CEP57: variants seen among roughly 807,000 people sequenced by gnomAD.
The protein encoded by CEP57 is centrosomal protein 57, also known as centrosomal protein of 57 kDa.
A neutral mutation model predicts 68.0 loss-of-function variants in CEP57; 40 were observed. The ratio of observed to expected loss-of-function variants is 0.59; its 90% CI spans 0.46 to 0.77. CEP57 has a LOEUF of 0.77. Ranked by LOEUF, CEP57 falls within the 30% of genes least tolerant of loss-of-function variation. CEP57 has a pLI of 0.00. For missense variants in CEP57, 606 were observed against 580.7 expected (o/e 1.04, Z -0.45); for synonymous variants, 219 against 198.7 (o/e 1.10, Z -0.86).
At chr11:95,802,116 G>A (rs1286327049) in intron 2 of CEP57, among the ~76,000 whole-genome samples, 1 of 152,168 alleles carries the variant, frequency 6.6e-6, no homozygotes, top group Middle Eastern at 3.4e-3. Context: ...AAGTGTGTTG[G>A]GGAGGTTAAA....
At chr11:95,797,979 C>G (rs946753354) in intron 1 of CEP57, among the ~76,000 whole-genome samples, 2 of 152,126 alleles carry the variant, frequency 1.3e-5, no homozygotes, top group Non-Finnish European at 2.9e-5. Flanking sequence ...TTTGCAAGAC[C>G]TTTGACAATA....
chr11:95,794,383 C>T (rs1267978241), intron 1 of CEP57: 3 of 452,520 alleles, frequency 6.6e-6, no homozygotes, highest in South Asian at 1.6e-5. Context: ...CAGCTTTACT[C>T]GGTCATACTA....
At chr11:95,797,365 A>T (rs147252720) in intron 1 of CEP57, among the ~76,000 whole-genome samples, 2,404 of 152,108 alleles carry the variant, frequency 0.016, 19 homozygotes, top group Non-Finnish European at 0.024. Context: ...ACAGAGTTTC[A>T]CCATGTTGGC....
In CEP57 at chr11:95,790,607, T is replaced by G; in HGVS notation, c.-92T>G. 1 of 1,486,320 alleles carries G rather than the reference T, an allele frequency of 6.7e-7. No individual in the cohort carries two copies. The highest frequency in any genetic ancestry group is 9.2e-7 in the Non-Finnish European group (1 of 1,083,108). 92.1% of individuals were successfully genotyped at this position (1,486,320 alleles called of 1,614,324 possible). The stretch of plus-strand genomic sequence containing the variant: ...TTTCCATCAGGGGTTCAGCCTAGGG[T>G]CCCCGCTGGTGGGCGGCTCCCGAGT... On this transcript the variant is annotated 5_prime_UTR_variant, in exon 1 of 11. Transcript: ENST00000325542.
rs528203509 is a variant in CEP57 at position 95,822,239 on chromosome 11, A to G, written c.808-260A>G. ...TACTGCATTATCTTGTGCTCTTACA[A>G]TGTTTTGTGTATATGTATACTGATT... On this transcript the variant is annotated intron_variant, in intron 7 of 10. Transcript: ENST00000325542. The G allele has an allele frequency of 3.5e-5, 20 of 577,192 alleles. 1 individual carries two copies. The highest frequency in any genetic ancestry group is 1.0e-4 in the South Asian group (5 of 49,024). 35.8% of individuals were successfully genotyped at this position (577,192 alleles called of 1,614,324 possible). A position where few individuals can be genotyped will look rare whatever the true frequency, so the allele number is the denominator to read the frequency against.
At chr11:95,801,296 CCT>C (rs1350590848) in intron 2 of CEP57, among the ~76,000 whole-genome samples, 6 of 151,862 alleles carry the variant, frequency 4.0e-5, no homozygotes, top group African/African-American at 9.7e-5. Context: ...AACCTAGAAG[CCT>C]CTTTATTATA....
At chr11:95,811,650 A>C (rs112590267) in intron 2 of CEP57, among the ~76,000 whole-genome samples, 1 of 152,104 alleles carries the variant, frequency 6.6e-6, no homozygotes, top group Non-Finnish European at 1.5e-5. Context: ...TCTGTACATC[A>C]AAACTAGAAT....
Position 95,821,945 on chromosome 11 carries a change from A to G in CEP57, c.774A>G (p.Arg258=). The change falls in exon 7 of 11, where the codon AGA becomes AGG. Residue 258 remains arginine (R), a synonymous_variant. Coordinates refer to ENST00000325542, the MANE Select transcript of CEP57 (RefSeq NM_014679.5). ...KATPCVPNAR[R]IKKKKSKPPE... is the part of the protein sequence containing the mutation. ...CTCCGTGTGTTCCCAATGCAAGAAG[A>G]ATTAAAAAAAAGAAGTCAAAACCAC... 6.2e-7 allele frequency: 1 copy of G among 1,612,844 alleles called. No individual in the cohort carries two copies. Among genetic ancestry groups the G allele is most frequent in the Non-Finnish European group, 8.5e-7 (1 of 1,179,520 alleles).
chr11:95,809,248 CA>C (rs1409627067), intron 2 of CEP57, among the ~76,000 whole-genome samples: 1 of 151,970 alleles, frequency 6.6e-6, no homozygotes, highest in African/African-American at 2.4e-5. Context: ...CAAGAGAAAG[CA>C]GGAAAGATCT....
At chr11:95,821,375 G>A (rs1862510573) in intron 6 of CEP57, among the ~76,000 whole-genome samples, 1 of 152,168 alleles carries the variant, frequency 6.6e-6, no homozygotes. Flanking sequence ...ACATTTGCCT[G>A]ATAGCTTCCA....
chr11:95,809,114 A>T (rs1861937831), intron 2 of CEP57, among the ~76,000 whole-genome samples: 1 of 152,238 alleles, frequency 6.6e-6, no homozygotes, highest in South Asian at 2.1e-4. Context: ...TGGGTGAATA[A>T]TGAAATGAAG....
At position 95,818,022 on chromosome 11, in the gene CEP57, A is replaced by G. The variant is rs1862372590; in HGVS notation, c.621+119A>G. The G allele has an allele frequency of 5.6e-6, 4 of 708,546 alleles. No homozygotes were observed. In the East Asian group the frequency reaches 8.0e-5, roughly 14 times the overall value. The allele number at this position is 708,546 out of a possible 1,614,324, so 43.9% of individuals were successfully genotyped here. Reference sequence around the variant, plus strand: ...AAGTGATCTTATAATGAAGAAATATATTGGAGTTTTAAAAAGAAAATATAA... The same window carrying G: ...AAGTGATCTTATAATGAAGAAATATGTTGGAGTTTTAAAAAGAAAATATAA... On this transcript the variant is annotated intron_variant, in intron 5 of 10. Transcript: ENST00000325542.
chr11:95,798,099 A>G (rs1565310866), intron 1 of CEP57, among the ~76,000 whole-genome samples: 2 of 152,236 alleles, frequency 1.3e-5, no homozygotes, highest in Non-Finnish European at 1.5e-5. Flanking sequence ...ATATATGAAC[A>G]TACTATAGTA....
At chr11:95,820,868 G>A (rs530585050) in intron 6 of CEP57, among the ~76,000 whole-genome samples, 2 of 152,164 alleles carry the variant, frequency 1.3e-5, no homozygotes, top group Non-Finnish European at 2.9e-5. Context: ...TGTGTTTGGA[G>A]TGTATAGATG....
intron 8 of CEP57, among the ~76,000 whole-genome samples, chr11:95,824,057 A>T (rs932489549): frequency 2.7e-5 from 4 of 145,784 alleles, no homozygotes; most frequent in African/African-American, 5.1e-5. Flanking sequence ...AAATGAATCC[A>T]GCTGAAGGCC....
chr11:95,807,365 A>T (rs1861847276), intron 2 of CEP57, among the ~76,000 whole-genome samples: 2 of 152,210 alleles, frequency 1.3e-5, no homozygotes, highest in South Asian at 4.1e-4. Context: ...ATGGAGAATG[A>T]CTTTGACGAG....
chr11:95,827,760 T>C lies in CEP57; in HGVS notation c.886-26T>C, dbSNP rs534337578. On this transcript the variant is annotated intron_variant, in intron 8 of 10. Transcript: ENST00000325542. ...GTGTAGAGAATATAACTTCAATTAC[T>C]TCTTTCATCATTTTTCTTCCTTTAG... 3.8e-5 allele frequency: 62 copies of C among 1,613,436 alleles called. No individual in the cohort carries two copies. In the Middle Eastern group the frequency reaches 6.6e-4, roughly 17 times the overall value.
chr11:95,821,074 A>C (rs1407497293), intron 6 of CEP57, among the ~76,000 whole-genome samples: 1 of 152,230 alleles, frequency 6.6e-6, no homozygotes, highest in African/African-American at 2.4e-5. Context: ...GAATTTCCCC[A>C]ATCTGGAAAG....
intron 10 of CEP57, among the ~76,000 whole-genome samples, chr11:95,830,741 G>A (rs1862964731): frequency 6.6e-6 from 1 of 151,456 alleles, no homozygotes; most frequent in Non-Finnish European, 1.5e-5. Context: ...CTGTACTTTG[G>A]CAATATTGCC....
Sources: allele counts gnomAD v4.1 joint callset (sites outside exome capture counted in the v4.1 genomes callset), GRCh38; gene constraint gnomAD v4.1.1; transcripts MANE v1.5; gene names NCBI Gene and HGNC (gene_info 2026-07-23, HGNC 2026-07-21).